SLC25A21: variants seen among roughly 807,000 people sequenced by gnomAD.
SLC25A21 encodes solute carrier family 25 member 21, also known as mitochondrial 2-oxodicarboxylate carrier.
In SLC25A21, 47 loss-of-function variants were observed where a neutral mutation model predicts 43.8. That is an observed-to-expected ratio of 1.07 (90% confidence interval 0.85 to 1.37). SLC25A21 has a LOEUF of 1.37. Among genes scored for constraint, SLC25A21 ranks in the 40% most tolerant of loss-of-function variants. The probability of loss-of-function intolerance (pLI) is 0.00; values close to 1 mark genes in which losing one functional copy is unlikely to be tolerated. For synonymous variants in SLC25A21, 131 were observed against 121.3 expected (o/e 1.08, Z -0.52); for missense variants, 352 against 350.2 (o/e 1.00, Z -0.04).
chr14:36,969,355 G>C (rs1177638919), intron 1 of SLC25A21, among the ~76,000 whole-genome samples: 1 of 152,108 alleles, frequency 6.6e-6, no homozygotes, highest in Non-Finnish European at 1.5e-5. Context: ...GAAGACCTTC[G>C]TGAAAGAGGG....
chr14:37,165,957 C>A (rs1000399700), intron 1 of SLC25A21, among the ~76,000 whole-genome samples: 2 of 152,172 alleles, frequency 1.3e-5, no homozygotes, highest in African/African-American at 4.8e-5. Context: ...TGTTGATATG[C>A]AGACAGAGTA....
At chr14:36,990,852 G>A (rs924237421) in intron 1 of SLC25A21, among the ~76,000 whole-genome samples, 21 of 145,902 alleles carry the variant, frequency 1.4e-4, no homozygotes, top group African/African-American at 5.3e-4. Flanking sequence ...CTGCGCTCCA[G>A]CCTGAACTCC....
chr14:37,130,972 C>G (rs1011999604), intron 1 of SLC25A21, among the ~76,000 whole-genome samples: 1 of 152,090 alleles, frequency 6.6e-6, no homozygotes, highest in Admixed American at 6.5e-5. Context: ...AACAAAAAGC[C>G]AAAGTTAAAT....
At chr14:36,906,855 A>G (rs942187831) in intron 1 of SLC25A21, among the ~76,000 whole-genome samples, 5 of 152,212 alleles carry the variant, frequency 3.3e-5, no homozygotes, top group African/African-American at 1.2e-4. Context: ...GAGGGTCTGC[A>G]CTGGTCCTTA....
At chr14:36,977,728 C>G (rs1347965598) in intron 1 of SLC25A21, among the ~76,000 whole-genome samples, 1 of 152,060 alleles carries the variant, frequency 6.6e-6, no homozygotes, top group Non-Finnish European at 1.5e-5. Context: ...TCACACATTA[C>G]TGTCAAAAAG....
chr14:37,095,057 T>A (rs891244259), intron 1 of SLC25A21, among the ~76,000 whole-genome samples: 1 of 152,176 alleles, frequency 6.6e-6, no homozygotes, highest in Non-Finnish European at 1.5e-5. Flanking sequence ...TGATAAATAA[T>A]GTACATGATA....
intron 1 of SLC25A21, among the ~76,000 whole-genome samples, chr14:37,079,492 C>T (rs1962345785): frequency 6.6e-6 from 1 of 152,198 alleles, no homozygotes; most frequent in Non-Finnish European, 1.5e-5. Context: ...TTTAACCTTG[C>T]TCCTATCCAA....
At chr14:37,150,879 T>C (rs1291922940) in intron 1 of SLC25A21, among the ~76,000 whole-genome samples, 3 of 152,136 alleles carry the variant, frequency 2.0e-5, no homozygotes, top group African/African-American at 4.8e-5. Context: ...CCCAAAATGA[T>C]AGTGATAATA....
intron 2 of SLC25A21, among the ~76,000 whole-genome samples, chr14:36,819,813 C>T (rs1012378825): frequency 9.2e-5 from 14 of 151,930 alleles, no homozygotes; most frequent in African/African-American, 3.1e-4. Flanking sequence ...CAAAAGTAAT[C>T]GTGGTTTTGG....
chr14:36,899,015 T>C (rs1221440844), intron 1 of SLC25A21, among the ~76,000 whole-genome samples: 1 of 152,204 alleles, frequency 6.6e-6, no homozygotes, highest in African/African-American at 2.4e-5. Context: ...ATGTATCTAA[T>C]ACAAATTAGT....
At chr14:37,105,317 T>A (rs1962890415) in intron 1 of SLC25A21, among the ~76,000 whole-genome samples, 2 of 152,188 alleles carry the variant, frequency 1.3e-5, no homozygotes. Context: ...ATAAAACAGA[T>A]AATAAACAGT....
In SLC25A21 at chr14:36,995,782, T is replaced by TA. The variant is rs138218355; in HGVS notation, c.71-120779dup. The stretch of plus-strand genomic sequence containing the variant: ...TGTGGATTGCCCAGGTATCAAGACT[T>TA]ACGTTAAAATCAGCTGGGGAGTTTT... On this transcript the variant is annotated intron_variant, in intron 1 of 9. Coordinates refer to ENST00000331299, the MANE Select transcript of SLC25A21 (RefSeq NM_030631.4). Among the ~76,000 whole-genome samples, 727 of 152,268 alleles carry TA rather than the reference T, an allele frequency of 4.8e-3. 7 individuals are homozygous for TA. Among genetic ancestry groups the TA allele is most frequent in the African/African-American group, 0.017 (690 of 41,546 alleles).
chr14:36,870,485 C>T (rs893536005), intron 2 of SLC25A21: 12 of 152,172 alleles, frequency 7.9e-5, no homozygotes, highest in African/African-American at 2.9e-4. Flanking sequence ...GAGAAGATGG[C>T]ATCCGGCCAT....
chr14:36,813,674 C>A (rs911824973), intron 3 of SLC25A21, among the ~76,000 whole-genome samples: 1 of 152,170 alleles, frequency 6.6e-6, no homozygotes, highest in Non-Finnish European at 1.5e-5. Context: ...CTTTAAACAG[C>A]CCTAGTGGCA....
At chr14:36,825,448 C>T (rs1888794245) in intron 2 of SLC25A21, among the ~76,000 whole-genome samples, 3 of 152,158 alleles carry the variant, frequency 2.0e-5, no homozygotes, top group Non-Finnish European at 4.4e-5. Flanking sequence ...ATTAATCCGA[C>T]CTAGTAGCAG....
At chr14:36,808,585 C>G (rs773426758) in intron 3 of SLC25A21, among the ~76,000 whole-genome samples, 17 of 152,106 alleles carry the variant, frequency 1.1e-4, no homozygotes, top group Non-Finnish European at 1.8e-4. Context: ...CAATAAATAA[C>G]AAAATTTGAT....
chr14:36,767,825 T>G (rs914862044), intron 3 of SLC25A21, among the ~76,000 whole-genome samples: 3 of 152,192 alleles, frequency 2.0e-5, no homozygotes, highest in African/African-American at 7.2e-5. Context: ...GGCCCGTTGG[T>G]ATCTGCTGGG....
At chr14:36,878,566 G>A (rs186592069) in intron 1 of SLC25A21, among the ~76,000 whole-genome samples, 5 of 152,284 alleles carry the variant, frequency 3.3e-5, no homozygotes, top group African/African-American at 1.2e-4. Context: ...GATTAATCGT[G>A]TTACATAGGC....
chr14:37,044,095 C>T (rs1190483541), intron 1 of SLC25A21, among the ~76,000 whole-genome samples: 1 of 151,714 alleles, frequency 6.6e-6, no homozygotes, highest in African/African-American at 2.4e-5. Context: ...TCTCAAGCTT[C>T]TTGAGAAAAG....
Sources: gnomAD v4.1 joint callset for allele counts (sites outside exome capture counted in the v4.1 genomes callset) on GRCh38, gnomAD v4.1.1 for gene constraint, MANE v1.5 for transcripts, NCBI Gene and HGNC (gene_info 2026-07-23, HGNC 2026-07-21) for gene names.